The following DPYS variants were observed in gnomAD, a reference collection of about 807,000 sequenced individuals.
DPYS encodes dihydropyrimidinase.
In DPYS, 39 loss-of-function variants were observed where a neutral mutation model predicts 50.3. The observed-to-expected ratio is 0.78, with a 90% CI of 0.60 to 1.01. The LOEUF is 1.01. Ranked by LOEUF, DPYS falls within the 50% of genes least tolerant of loss-of-function variation. The pLI is 0.00. For synonymous variants in DPYS, 245 were observed against 250.7 expected (o/e 0.98, Z 0.22); for missense variants, 659 against 680.9 (o/e 0.97, Z 0.36).
chr8:104,430,064 T>G (rs1362237655), intron 4 of DPYS, among the ~76,000 whole-genome samples: 1 of 152,158 alleles, frequency 6.6e-6, no homozygotes. Flanking sequence ...TATGGAGTAA[T>G]AATTTCTCTA....
chr8:104,449,170 A>C (rs759130901), intron 2 of DPYS, among the ~76,000 whole-genome samples: 4 of 152,188 alleles, frequency 2.6e-5, no homozygotes, highest in Non-Finnish European at 5.9e-5. Flanking sequence ...AGTGCACCTC[A>C]TTTGTTCCCC....
intron 1 of DPYS, among the ~76,000 whole-genome samples, chr8:104,458,181 T>C (rs573451444): frequency 6.8e-4 from 103 of 152,344 alleles, no homozygotes; most frequent in Admixed American, 1.3e-3. Flanking sequence ...GTATACCTAC[T>C]ATATGTCTGC....
chr8:104,405,565 G>T (rs1811967982), intron 7 of DPYS, among the ~76,000 whole-genome samples: 1 of 152,190 alleles, frequency 6.6e-6, no homozygotes, highest in African/African-American at 2.4e-5. Flanking sequence ...CATCTTGGAG[G>T]CTCTGTCAGA....
chr8:104,410,367 C>T (rs377049676), intron 7 of DPYS, among the ~76,000 whole-genome samples: 12 of 152,162 alleles, frequency 7.9e-5, no homozygotes, highest in African/African-American at 2.9e-4. Flanking sequence ...CAGGCCTAGA[C>T]ACAAGACTAA....
At chr8:104,391,747 G>T (rs1038627790) in intron 8 of DPYS, among the ~76,000 whole-genome samples, 1 of 152,070 alleles carries the variant, frequency 6.6e-6, no homozygotes, top group African/African-American at 2.4e-5. Flanking sequence ...AGGCTGGAGT[G>T]CACTGGTATG....
At chr8:104,380,352 C>G (rs1004976847) in intron 9 of DPYS, among the ~76,000 whole-genome samples, 2 of 152,172 alleles carry the variant, frequency 1.3e-5, no homozygotes, top group African/African-American at 4.8e-5. Flanking sequence ...GGGGTTAAGT[C>G]TTGTGCAGAT....
Position 104,444,325 on chromosome 8 carries a change from G to A in DPYS, c.716C>T (p.Ala239Val). Residue 239 changes from alanine (A) to valine (V), a missense_variant, in exon 4 of 10, where the codon GCT (alanine) becomes GTT (valine). Coordinates refer to ENST00000351513, the MANE Select transcript of DPYS (RefSeq NM_001385.3). ...ATLRAITIAS[A>V]VNCPLYIVHV... ...CACAATGTAGAGAGGACAGTTCACA[G>A]CGCTGGCTATGGTGATGGCTCTCAG... 1.2e-6 allele frequency: 2 copies of A among 1,614,258 alleles called. No individual in the cohort carries two copies. The highest frequency in any genetic ancestry group is 1.7e-6 in the Non-Finnish European group (2 of 1,180,048).
intron 6 of DPYS, among the ~76,000 whole-genome samples, chr8:104,427,068 G>T (rs1311431681): frequency 6.6e-6 from 1 of 151,648 alleles, no homozygotes; most frequent in Non-Finnish European, 1.5e-5. Flanking sequence ...AGTCATGGTG[G>T]TGCACATCTG....
rs529815227 is a variant in DPYS, at chr8:104,437,476, C to T, written c.793+6772G>A. On this transcript the variant is annotated intron_variant, in intron 4 of 9. Transcript: ENST00000351513. ...TAAAATATATTAGCTAAAAGACTCT[C>T]CCACCAATGCTATGACAGTTTATAA... 5.9e-5 allele frequency among the ~76,000 whole-genome samples: 9 copies of T among 152,288 alleles called. No homozygotes were observed. In the East Asian group the frequency reaches 1.7e-3, roughly 29 times the overall value.
chr8:104,442,657 G>C (rs890767250), intron 4 of DPYS, among the ~76,000 whole-genome samples: 1 of 152,176 alleles, frequency 6.6e-6, no homozygotes, highest in Non-Finnish European at 1.5e-5. Flanking sequence ...CTACACTTAA[G>C]GCAAGATGTT....
chr8:104,458,376 T>C (rs1285940204), intron 1 of DPYS, among the ~76,000 whole-genome samples: 2 of 152,196 alleles, frequency 1.3e-5, no homozygotes, highest in Non-Finnish European at 2.9e-5. Flanking sequence ...TCCCTGCCTC[T>C]CTTAGGAGAC....
intron 8 of DPYS, among the ~76,000 whole-genome samples, chr8:104,389,540 T>TTTTA (rs201073901): frequency 0.18 from 25,217 of 137,706 alleles, 2,572 homozygotes; most frequent in East Asian, 0.4. Context: ...CTTCCTTTTA[T>TTTTA]TTTTTTTTTT....
At chr8:104,459,984 C>A (rs938258319) in intron 1 of DPYS, among the ~76,000 whole-genome samples, 4 of 152,130 alleles carry the variant, frequency 2.6e-5, no homozygotes, top group Admixed American at 2.6e-4. Context: ...TATAACCCCC[C>A]AAATCTAGCC....
intron 8 of DPYS, among the ~76,000 whole-genome samples, chr8:104,385,870 C>T (rs551886352): frequency 6.6e-6 from 1 of 152,348 alleles, no homozygotes; most frequent in South Asian, 2.1e-4. Flanking sequence ...ATGCCAGCGC[C>T]TCGTTCTTGG....
chr8:104,446,135 G>A (rs1813521855), intron 3 of DPYS, among the ~76,000 whole-genome samples: 1 of 152,108 alleles, frequency 6.6e-6, no homozygotes, highest in Admixed American at 6.6e-5. Flanking sequence ...AACACAAAGG[G>A]TAAATGCTTG....
chr8:104,399,299 A>C (rs1234913342), intron 7 of DPYS, among the ~76,000 whole-genome samples: 2,851 of 46,956 alleles, frequency 0.061, 153 homozygotes, highest in Middle Eastern at 0.2. Flanking sequence ...TCAAAAAAAA[A>C]AAAAAAAAAA....
intron 1 of DPYS, among the ~76,000 whole-genome samples, chr8:104,462,106 T>A (rs559751566): frequency 1.3e-5 from 2 of 152,316 alleles, no homozygotes; most frequent in East Asian, 3.9e-4. Context: ...GTGCCAGCAT[T>A]TTTTTAAGGT....
intron 4 of DPYS, among the ~76,000 whole-genome samples, chr8:104,434,269 T>C (rs1476422196): frequency 6.6e-6 from 1 of 152,246 alleles, no homozygotes; most frequent in Non-Finnish European, 1.5e-5. Flanking sequence ...ATCATGCAGA[T>C]GAAGCCTCCA....
chr8:104,413,358 A>G (rs901609398), intron 7 of DPYS, among the ~76,000 whole-genome samples: 10 of 151,830 alleles, frequency 6.6e-5, no homozygotes, highest in East Asian at 3.9e-4. Flanking sequence ...GTCATGCCTT[A>G]GAAATGCACC....
Sources: gnomAD v4.1 joint callset for allele counts (sites outside exome capture counted in the v4.1 genomes callset) on GRCh38, gnomAD v4.1.1 for gene constraint, MANE v1.5 for transcripts, NCBI Gene and HGNC (gene_info 2026-07-23, HGNC 2026-07-21) for gene names.